The following ZNF69 variants were observed in gnomAD, a reference collection of about 807,000 sequenced individuals.
ZNF69 encodes the protein ZNF3.
ZNF69 carries 47 observed loss-of-function variants against 50.9 expected under a neutral mutation model. The ratio of observed to expected loss-of-function variants is 0.92; its 90% CI spans 0.73 to 1.18. The LOEUF (loss-of-function observed/expected upper bound fraction) is 1.18, where lower values mean the gene tolerates loss of function less well. Among genes scored for constraint, ZNF69 ranks in the 50% most tolerant of loss-of-function variants. The probability of loss-of-function intolerance (pLI) is 0.00; values close to 1 mark genes in which losing one functional copy is unlikely to be tolerated. For missense variants in ZNF69, 717 were observed against 675.1 expected (o/e 1.06, Z -0.69); for synonymous variants, 216 against 223.1 (o/e 0.97, Z 0.29).
chr19:11,928,051 A>T, the ZNF69 span, among the ~76,000 whole-genome samples: 1 of 151,986 alleles, frequency 6.6e-6, no homozygotes, highest in Non-Finnish European at 1.5e-5. Context: ...AGCCTAGAGC[A>T]GTGGTGCGAT....
chr19:11,896,685 G>A (rs918807133), intron 1 of ZNF69, among the ~76,000 whole-genome samples: 12 of 152,020 alleles, frequency 7.9e-5, no homozygotes, highest in Non-Finnish European at 1.8e-4. Flanking sequence ...TACTATATTG[G>A]GGGTAGGTTA....
chr19:11,950,236 G>T, the ZNF69 span: 1 of 1,610,572 alleles, frequency 6.2e-7, no homozygotes, highest in Non-Finnish European at 8.5e-7. Flanking sequence ...TAAGGATTGT[G>T]GGAAAGCATT....
At chr19:11,974,402 G>T in the ZNF69 span, among the ~76,000 whole-genome samples, 2 of 151,398 alleles carry the variant, frequency 1.3e-5, no homozygotes, top group African/African-American at 2.4e-5. Flanking sequence ...TTACCATGTT[G>T]GCCGGGGTGG....
At chr19:11,950,235 T>G in the ZNF69 span, 1 of 1,610,728 alleles carries the variant, frequency 6.2e-7, no homozygotes, top group African/African-American at 1.3e-5. Flanking sequence ...GTAAGGATTG[T>G]GGGAAAGCAT....
At chr19:11,917,133 T>G (rs1198205287), downstream of ZNF69, among the ~76,000 whole-genome samples, 2 of 152,176 alleles carry the variant, frequency 1.3e-5, no homozygotes, top group Admixed American at 6.5e-5. Flanking sequence ...TGGGGCTGTG[T>G]TGGGTGAGCC....
chr19:11,942,219 G>A, the ZNF69 span, among the ~76,000 whole-genome samples: 1 of 150,798 alleles, frequency 6.6e-6, no homozygotes, highest in African/African-American at 2.4e-5. Context: ...GTCCCTGGGG[G>A]TGTGGGCTTT....
chr19:11,971,790 G>A, the ZNF69 span, among the ~76,000 whole-genome samples: 6 of 152,260 alleles, frequency 3.9e-5, no homozygotes, highest in Admixed American at 1.3e-4. Flanking sequence ...GTGGCCGGGC[G>A]CGGTGGCTCA....
chr19:11,953,882 CAATT>C, the ZNF69 span, among the ~76,000 whole-genome samples: 18 of 151,426 alleles, frequency 1.2e-4, no homozygotes, highest in African/African-American at 3.2e-4. Context: ...CCACTTTACA[CAATT>C]AATAAGGTTT....
chr19:11,933,264 AAT>A, the ZNF69 span, among the ~76,000 whole-genome samples: 31 of 148,042 alleles, frequency 2.1e-4, 2 homozygotes, highest in East Asian at 1.9e-3. Flanking sequence ...AAAAAAAAAA[AAT>A]GTTTTAAACC....
At chr19:11,926,262 A>ATCTATTTTTC in the ZNF69 span, among the ~76,000 whole-genome samples, 5 of 152,250 alleles carry the variant, frequency 3.3e-5, no homozygotes, top group African/African-American at 1.2e-4. Context: ...ATCTATTTTT[A>ATCTATTTTTC]CATGAATGTG....
chr19:11,935,579 G>A, the ZNF69 span, among the ~76,000 whole-genome samples: 2 of 151,916 alleles, frequency 1.3e-5, no homozygotes, highest in African/African-American at 4.8e-5. Context: ...AGAATTTTAG[G>A]ACTTCTTCAT....
intron 1 of ZNF69, among the ~76,000 whole-genome samples, chr19:11,892,483 T>C (rs1331910930): frequency 2.0e-5 from 3 of 151,984 alleles, no homozygotes; most frequent in Non-Finnish European, 2.9e-5. Context: ...AGGGGCCCAG[T>C]GGGATGGCTC....
At chr19:11,915,791 C>T (rs1972516735), downstream of ZNF69, among the ~76,000 whole-genome samples, 1 of 152,178 alleles carries the variant, frequency 6.6e-6, no homozygotes, top group South Asian at 2.1e-4. Context: ...GTAATCCCAG[C>T]CAGTTGGGAG....
the ZNF69 span, among the ~76,000 whole-genome samples, chr19:11,928,197 G>A: frequency 6.6e-6 from 1 of 152,036 alleles, no homozygotes; most frequent in Admixed American, 6.6e-5. Flanking sequence ...TGTTGCCCAG[G>A]CTGGTCTCTG....
the ZNF69 span, among the ~76,000 whole-genome samples, chr19:11,966,134 T>G: frequency 2.6e-5 from 4 of 152,188 alleles, no homozygotes; most frequent in African/African-American, 9.7e-5. Flanking sequence ...TGCGTGGCCT[T>G]AGGTCTTGTT....
downstream of ZNF69, among the ~76,000 whole-genome samples, chr19:11,915,597 A>G (rs1281101783): frequency 3.3e-5 from 5 of 152,140 alleles, no homozygotes; most frequent in Non-Finnish European, 7.4e-5. Context: ...TCCTGATCCT[A>G]CAAAGAGTGA....
At chr19:11,952,583 A>G in the ZNF69 span, among the ~76,000 whole-genome samples, 1 of 152,244 alleles carries the variant, frequency 6.6e-6, no homozygotes, top group African/African-American at 2.4e-5. Flanking sequence ...GCTGCTCTTC[A>G]GAAACCCTTA....
chr19:11,918,626 A>G (rs1972541285), downstream of ZNF69, among the ~76,000 whole-genome samples: 1 of 151,748 alleles, frequency 6.6e-6, no homozygotes, highest in African/African-American at 2.4e-5. Flanking sequence ...TAATTTTCAA[A>G]AATTTTTTGT....
the ZNF69 span, among the ~76,000 whole-genome samples, chr19:11,952,101 G>A: frequency 2.0e-5 from 3 of 152,246 alleles, no homozygotes; most frequent in South Asian, 2.1e-4. Context: ...CTTGAATCTC[G>A]GGGGAGGGCA....
Sources: allele counts gnomAD v4.1 joint callset (sites outside exome capture counted in the v4.1 genomes callset), GRCh38; gene constraint gnomAD v4.1.1; transcripts MANE v1.5; gene names NCBI Gene and HGNC (gene_info 2026-07-23, HGNC 2026-07-21).